HPSE2: variants seen among roughly 807,000 people sequenced by gnomAD.
HPSE2 encodes the protein heparanase 2 (inactive).
In HPSE2, 38 loss-of-function variants were observed where a neutral mutation model predicts 60.5. The ratio of observed to expected loss-of-function variants is 0.63; its 90% CI spans 0.48 to 0.82. The LOEUF (loss-of-function observed/expected upper bound fraction) is 0.82, where lower values mean the gene tolerates loss of function less well. HPSE2 is among the 40% of genes least tolerant of loss of function. The pLI is 0.00. For missense variants in HPSE2, 713 were observed against 740.4 expected (o/e 0.96, Z 0.43); for synonymous variants, 295 against 293.2 (o/e 1.01, Z -0.06).
intron 5 of HPSE2, among the ~76,000 whole-genome samples, chr10:98,695,290 C>T (rs908260836): frequency 1.8e-4 from 27 of 152,056 alleles, no homozygotes; most frequent in African/African-American, 5.8e-4. Flanking sequence ...AGGACGAGGA[C>T]GGAGGATGAG....
intron 3 of HPSE2, among the ~76,000 whole-genome samples, chr10:99,142,707 G>A (rs1845905531): frequency 6.6e-6 from 1 of 152,040 alleles, no homozygotes; most frequent in Non-Finnish European, 1.5e-5. Context: ...ACATCCAAAG[G>A]GATTATGTTA....
chr10:98,748,199 G>C (rs1430378264), intron 3 of HPSE2, among the ~76,000 whole-genome samples: 1 of 152,058 alleles, frequency 6.6e-6, no homozygotes, highest in African/African-American at 2.4e-5. Context: ...ACTCTACTTA[G>C]GAGGCTGAGG....
intron 3 of HPSE2, among the ~76,000 whole-genome samples, chr10:99,060,770 A>G (rs2135522806): frequency 6.6e-6 from 1 of 152,272 alleles, no homozygotes; most frequent in Non-Finnish European, 1.5e-5. Flanking sequence ...TTAGCCATAA[A>G]AAGAATGAGA....
intron 2 of HPSE2, among the ~76,000 whole-genome samples, chr10:99,153,154 A>G (rs1196036415): frequency 6.6e-6 from 1 of 152,222 alleles, no homozygotes; most frequent in East Asian, 1.9e-4. Flanking sequence ...TCAAACTGCA[A>G]GGCAGCAGCG....
intron 3 of HPSE2, among the ~76,000 whole-genome samples, chr10:99,114,526 T>C (rs1279608083): frequency 6.6e-6 from 1 of 152,180 alleles, no homozygotes; most frequent in Admixed American, 6.5e-5. Flanking sequence ...CAAAGACTTC[T>C]ACAAACATGG....
At chr10:99,015,464 T>A (rs1257408123) in intron 3 of HPSE2, among the ~76,000 whole-genome samples, 1 of 152,208 alleles carries the variant, frequency 6.6e-6, no homozygotes, top group African/African-American at 2.4e-5. Flanking sequence ...GTGGCACATA[T>A]ACACCATGGA....
chr10:98,796,826 CAGAG>C (rs1444176166), intron 3 of HPSE2, among the ~76,000 whole-genome samples: 3 of 152,194 alleles, frequency 2.0e-5, no homozygotes, highest in Admixed American at 6.5e-5. Flanking sequence ...TCAGTACAGA[CAGAG>C]AGAGACTACA....
At chr10:98,777,146 A>G (rs1488989778) in intron 3 of HPSE2, among the ~76,000 whole-genome samples, 1 of 152,184 alleles carries the variant, frequency 6.6e-6, no homozygotes, top group Non-Finnish European at 1.5e-5. Context: ...TGTTACAAAA[A>G]CAACTTGAAG....
chr10:99,288,540 T>C, the HPSE2 span, among the ~76,000 whole-genome samples: 8 of 151,998 alleles, frequency 5.3e-5, no homozygotes, highest in Middle Eastern at 3.4e-3. Flanking sequence ...GAAAAGTTTA[T>C]CTCCTTTCCA....
At chr10:98,711,628 G>C (rs182497229) in intron 5 of HPSE2, among the ~76,000 whole-genome samples, 6 of 152,054 alleles carry the variant, frequency 3.9e-5, no homozygotes, top group Non-Finnish European at 7.4e-5. Flanking sequence ...AGTGTTGTGA[G>C]AATTAACAAG....
intron 3 of HPSE2, among the ~76,000 whole-genome samples, chr10:99,072,927 C>CAAAAAAAAAAAAAAAA (rs770699941): frequency 1.1e-5 from 1 of 88,036 alleles, no homozygotes; most frequent in Admixed American, 1.1e-4. Flanking sequence ...GGCTCCGTCT[C>CAAAAAAAAAAAAAAAA]AAAAAAAAAA....
chr10:98,817,397 T>TC lies in HPSE2; in HGVS notation c.611-73342dup, dbSNP rs890505791. ...CAATAACCAAATTGGGGTTCTTTTTTCCCCAAAACTAGGCTTCTCCAAATT... is the reference window on the plus strand; with the variant it reads ...CAATAACCAAATTGGGGTTCTTTTTTCCCCCAAAACTAGGCTTCTCCAAATT... On this transcript the variant is annotated intron_variant, in intron 3 of 11. Coordinates refer to ENST00000370552, the MANE Select transcript of HPSE2 (RefSeq NM_021828.5). Among the ~76,000 whole-genome samples the TC allele has an allele frequency of 7.8e-4, 119 of 152,204 alleles. 1 individual carries two copies. Among genetic ancestry groups the TC allele is most frequent in the African/African-American group, 2.7e-3 (113 of 41,526 alleles).
chr10:98,989,234 T>C (rs1956457761), intron 3 of HPSE2, among the ~76,000 whole-genome samples: 1 of 152,138 alleles, frequency 6.6e-6, no homozygotes, highest in Admixed American at 6.5e-5. Flanking sequence ...CAGAAAAGAC[T>C]TGGAACCAAC....
chr10:98,865,910 G>A (rs76373079), intron 3 of HPSE2, among the ~76,000 whole-genome samples: 1 of 152,120 alleles, frequency 6.6e-6, no homozygotes, highest in East Asian at 1.9e-4. Flanking sequence ...GACAGGAAAG[G>A]ATCAAACTGT....
chr10:99,028,232 T>C (rs548212122), intron 3 of HPSE2, among the ~76,000 whole-genome samples: 2 of 152,316 alleles, frequency 1.3e-5, no homozygotes, highest in South Asian at 4.1e-4. Context: ...GACATGATCT[T>C]ATATTTGGAA....
chr10:98,640,785 T>C (rs1170254258), intron 7 of HPSE2, among the ~76,000 whole-genome samples: 4 of 152,196 alleles, frequency 2.6e-5, no homozygotes, highest in Non-Finnish European at 5.9e-5. Context: ...ATGGCAATTG[T>C]AGATGTAAGA....
chr10:99,233,804 G>A (rs1564912369), intron 1 of HPSE2, among the ~76,000 whole-genome samples: 1 of 152,138 alleles, frequency 6.6e-6, no homozygotes, highest in Non-Finnish European at 1.5e-5. Context: ...GGCGTCGCGT[G>A]GGCCTACTGT....
intron 3 of HPSE2, among the ~76,000 whole-genome samples, chr10:99,065,984 C>CATAAGCACAAGGCAGAAAGTGA (rs1564778478): frequency 6.6e-6 from 1 of 151,130 alleles, no homozygotes; most frequent in Non-Finnish European, 1.5e-5. Flanking sequence ...CACAGAAATC[C>CATAAGCACAAGGCAGAAAGTGA]ATAAGTACAA....
At chr10:99,012,738 G>A (rs1455559512) in intron 3 of HPSE2, among the ~76,000 whole-genome samples, 4 of 151,968 alleles carry the variant, frequency 2.6e-5, no homozygotes, top group East Asian at 3.9e-4. Flanking sequence ...TTGACTTAAC[G>A]GACCAAGAAG....
Sources: gnomAD v4.1 joint callset for allele counts (sites outside exome capture counted in the v4.1 genomes callset) on GRCh38, gnomAD v4.1.1 for gene constraint, MANE v1.5 for transcripts, NCBI Gene and HGNC (gene_info 2026-07-23, HGNC 2026-07-21) for gene names.